TMEM183A: variants seen among roughly 807,000 people sequenced by gnomAD.
TMEM183A encodes the protein transmembrane protein 183A.
A neutral mutation model predicts 46.7 loss-of-function variants in TMEM183A; 21 were observed. The observed-to-expected ratio is 0.45, with a 90% CI of 0.32 to 0.65. TMEM183A has a LOEUF of 0.65. Among genes scored for constraint, TMEM183A ranks in the 30% least tolerant of loss-of-function variants. TMEM183A has a pLI of 0.04. For synonymous variants in TMEM183A, 165 were observed against 180.2 expected (o/e 0.92, Z 0.68); for missense variants, 331 against 481.9 (o/e 0.69, Z 2.93).
intron 3 of TMEM183A, among the ~76,000 whole-genome samples, chr1:203,012,056 T>C (rs1412406867): frequency 1.3e-5 from 2 of 151,410 alleles, no homozygotes; most frequent in African/African-American, 4.9e-5. Flanking sequence ...TATTAAAAAG[T>C]TTTTTTTCTC....
chr1:203,022,923 C>T lies in TMEM183A; in HGVS notation c.1014C>T (p.Val338=). 6.2e-7 allele frequency: 1 copy of T among 1,613,228 alleles called. No individual in the cohort carries two copies. The change falls in exon 8 of 8, where the codon GTC becomes GTT. Residue 338 remains valine (V), a synonymous_variant. Transcript: ENST00000367242. ...GACTGGTGTTCCAAGATTCCCCTGT[C>T]CATGGTGGTCGGAAACTGCGCAGTG... ...RVRLVFQDSP[V]HGGRKLRSEQ...
chr1:203,016,066 G>C lies in TMEM183A; in HGVS notation c.634G>C (p.Glu212Gln). The change falls in exon 5 of 8, where the codon GAG becomes CAG. Residue 212 changes from glutamate to glutamine, a missense_variant. Physicochemically the swap from Glu to Gln is conservative, Grantham distance 29. Around this residue, in one of 2 missense-constraint regions of TMEM183A, gnomAD observed 233 missense variants for 385.8 expected, o/e 0.60. Transcript: ENST00000367242. ...GATCCGATCTCTGTACCATATGTAT[G>C]AGCCATTTGCTGCTCGAATCTCCAA... ...CVIRSLYHMY[E>Q]PFAARISKNP... 1 of 1,614,204 alleles carries C rather than the reference G, an allele frequency of 6.2e-7. No homozygotes were observed. Among genetic ancestry groups the C allele is most frequent in the Non-Finnish European group, 8.5e-7 (1 of 1,180,024 alleles).
rs1476276470 is a variant in TMEM183A at position 203,013,873 on chromosome 1, A to T, written c.368-1016A>T. Among the ~76,000 whole-genome samples, 2 of 151,268 alleles carry T rather than the reference A, an allele frequency of 1.3e-5. No homozygotes were observed. The highest frequency in any genetic ancestry group is 2.9e-5 in the Non-Finnish European group (2 of 67,948). ...CTGGTTCAAGCGATTCTCCTGCCTC[A>T]GCCTCCCACGTAGCTGGATTACAGG... On this transcript the variant is annotated intron_variant, in intron 3 of 7. Coordinates refer to ENST00000367242, the MANE Select transcript of TMEM183A (RefSeq NM_138391.6). This position sits in a 1 kb window ranked among gnomAD's most constrained non-coding sequence, Gnocchi z 4.0.
At chr1:203,009,838 C>T (rs928603691) in intron 3 of TMEM183A, among the ~76,000 whole-genome samples, 6 of 152,062 alleles carry the variant, frequency 3.9e-5, no homozygotes, top group Non-Finnish European at 7.4e-5. Context: ...AGGTGAAAGC[C>T]GATAAATAAT....
chr1:203,018,134 T>G (rs748668382), intron 5 of TMEM183A, among the ~76,000 whole-genome samples: 7 of 152,208 alleles, frequency 4.6e-5, no homozygotes, highest in Non-Finnish European at 8.8e-5. Flanking sequence ...CCTTACATTT[T>G]AATGTAGAGG....
intron 2 of TMEM183A, 144 bp from the exon 3 acceptor site, chr1:203,008,499 T>C: frequency 1.5e-6 from 1 of 676,356 alleles, no homozygotes; most frequent in Non-Finnish European, 2.1e-6. Context: ...ATCTTTATTT[T>C]TTTTGGTGAC....
Position 203,008,640 on chromosome 1 carries a change from T to C in TMEM183A, c.200-3T>C. 1.3e-6 allele frequency: 2 copies of C among 1,530,032 alleles called. No homozygotes were observed. Among genetic ancestry groups the C allele is most frequent in the South Asian group, 1.3e-5 (1 of 79,794 alleles). The allele number at this position is 1,530,032 out of a possible 1,614,324, so 94.8% of individuals were successfully genotyped here. ...ATCTCATTCTCCTTTTATTTTCTTC[T>C]AGTAAAATCTCTTTGTGGCTTGGAA... On this transcript the variant is annotated splice_polypyrimidine_tract_variant and splice_region_variant and intron_variant, in intron 2 of 7. Transcript: ENST00000367242.
In TMEM183A at chr1:203,014,534, C is replaced by T. The variant is rs573885527; in HGVS notation, c.368-355C>T. On this transcript the variant is annotated intron_variant, in intron 3 of 7. Transcript: ENST00000367242. ...ATGAGAATTGCTTGAAACCAGGAGG[C>T]GGAGGTTGTATTGAGCTGAGATTGC... 5.3e-5 allele frequency among the ~76,000 whole-genome samples: 8 copies of T among 152,000 alleles called. No homozygotes were observed. The South Asian group carries it at 1.5e-3, about 28-fold the overall frequency.
intron 7 of TMEM183A, among the ~76,000 whole-genome samples, chr1:203,021,829 G>A (rs1414782952): frequency 6.6e-6 from 1 of 152,138 alleles, no homozygotes; most frequent in Non-Finnish European, 1.5e-5. Flanking sequence ...TGTATCTTAG[G>A]CTTACATTCA....
chr1:203,007,910 C>T (rs758188447), intron 2 of TMEM183A, 47 bp downstream of exon 2: 1 of 1,601,192 alleles, frequency 6.2e-7, no homozygotes, highest in Non-Finnish European at 8.5e-7. Flanking sequence ...GAAGACAGAA[C>T]TAGGTATTTT....
At chr1:203,016,191 G>A (rs368238841) in intron 5 of TMEM183A, 51 bp downstream of exon 5, 8 of 1,611,076 alleles carry the variant, frequency 5.0e-6, no homozygotes, top group East Asian at 2.2e-5. Context: ...TGTATGGTAG[G>A]CCTGTTATCA....
In TMEM183A at chr1:203,014,958, G is replaced by A. The variant is rs760409765; in HGVS notation, c.437G>A (p.Arg146His). The A allele has an allele frequency of 9.3e-6, 15 of 1,613,704 alleles. No individual in the cohort carries two copies. Among genetic ancestry groups the A allele is most frequent in the Admixed American group, 5.0e-5 (3 of 59,982 alleles). The stretch of plus-strand genomic sequence containing the variant: ...TGGCTATTGCTGGCCTCCTATATCC[G>A]TCCTGAGGACATTGTGAATTTTTCC... ...DIWLLLASYI[R>H]PEDIVNFSLI... Residue 146 changes from arginine to histidine, a missense_variant, in exon 4 of 8, where the codon CGT becomes CAT. Coordinates refer to ENST00000367242, the MANE Select transcript of TMEM183A (RefSeq NM_138391.6).
intron 5 of TMEM183A, among the ~76,000 whole-genome samples, chr1:203,017,112 G>A (rs185564421): frequency 4.2e-4 from 64 of 152,262 alleles, no homozygotes; most frequent in African/African-American, 1.4e-3. Flanking sequence ...GGTGGTCAGG[G>A]CTGTTGGCTG....
chr1:203,019,177 T>C (rs1467240951), intron 6 of TMEM183A, among the ~76,000 whole-genome samples: 1 of 152,252 alleles, frequency 6.6e-6, no homozygotes, highest in Non-Finnish European at 1.5e-5. Context: ...GGATTTCAGA[T>C]GCTCAACTGG....
chr1:203,012,148 T>TCTCACACACA (rs1553249434), intron 3 of TMEM183A, among the ~76,000 whole-genome samples: 5,329 of 79,434 alleles, frequency 0.067, 748 homozygotes, highest in Middle Eastern at 0.1. Flanking sequence ...CCCCACTCCA[T>TCTCACACACA]CACACACACA....
At chr1:203,010,205 T>C (rs2102535351) in intron 3 of TMEM183A, among the ~76,000 whole-genome samples, 1 of 152,248 alleles carries the variant, frequency 6.6e-6, no homozygotes, top group Admixed American at 6.5e-5. Context: ...TACCAGCACT[T>C]TCACCTGTAC....
rs370305350 is a variant in TMEM183A at position 203,012,235 on chromosome 1, T to TCTCACACA, written c.368-2653_368-2652insTCACACAC. Among the ~76,000 whole-genome samples, 5 of 80,790 alleles carry TCTCACACA rather than the reference T, an allele frequency of 6.2e-5. 1 individual carries two copies. The highest frequency in any genetic ancestry group is 9.5e-5 in the Non-Finnish European group (4 of 42,156). The allele number at this position is 80,790 out of a possible 152,430, so 53.0% of individuals were successfully genotyped here. A position where few individuals can be genotyped will look rare whatever the true frequency, so the allele number is the denominator to read the frequency against. On this transcript the variant is annotated intron_variant, in intron 3 of 7. Transcript: ENST00000367242. ...ACTTCAACCATTACTCCCCACTCCA[T>TCTCACACA]CACACACACACACACACACACACAC...
At chr1:203,015,533 G>T in intron 4 of TMEM183A, 1 of 216,136 alleles carries the variant, frequency 4.6e-6, no homozygotes, top group South Asian at 7.9e-5. Context: ...TTGATGCTAG[G>T]TATGGAAGTG....
At position 203,007,865 on chromosome 1, in the gene TMEM183A, T is replaced by A; in HGVS notation, c.199+2T>A. The A allele has an allele frequency of 6.2e-7, 1 of 1,614,076 alleles. No homozygotes were observed. Among genetic ancestry groups the A allele is most frequent in the Non-Finnish European group, 8.5e-7 (1 of 1,179,936 alleles). ...TAGCCAACGCTGTTCAGCAGGAAGG[T>A]AAGCTTTGCGCGAGCCTTTAAAGAC... On this transcript the variant is annotated splice_donor_variant, in intron 2 of 7. Transcript: ENST00000367242. LOFTEE classifies it high-confidence loss of function.
Sources: gnomAD v4.1 joint callset for allele counts (sites outside exome capture counted in the v4.1 genomes callset) on GRCh38, gnomAD v4.1.1 for gene constraint, gnomAD v4.1.1 regional missense constraint, Gnocchi (gnomAD v3.1) non-coding constraint, MANE v1.5 for transcripts, NCBI Gene and HGNC (gene_info 2026-07-23, HGNC 2026-07-21) for gene names.